The following TACC1 variants were observed in gnomAD, a reference collection of about 807,000 sequenced individuals.
The protein encoded by TACC1 is transforming acidic coiled-coil-containing protein 1.
In TACC1, 48 loss-of-function variants were observed where a neutral mutation model predicts 84.4. That is an observed-to-expected ratio of 0.57 (90% CI 0.45 to 0.72). TACC1 has a LOEUF of 0.72. TACC1 is among the 30% of genes least tolerant of loss of function. The pLI, the probability that TACC1 is intolerant of heterozygous loss-of-function variation, is 0.00. For synonymous variants in TACC1, 372 were observed against 376.3 expected (o/e 0.99, Z 0.13); for missense variants, 920 against 973.0 (o/e 0.95, Z 0.72).
chr8:38,786,925 A>T (rs930238036), upstream of TACC1, among the ~76,000 whole-genome samples: 4 of 152,020 alleles, frequency 2.6e-5, no homozygotes, highest in African/African-American at 7.2e-5. Flanking sequence ...AAAAAATTTT[A>T]AAAAGGAATA....
chr8:38,843,025 G>C (rs1222415882), intron 10 of TACC1, among the ~76,000 whole-genome samples: 1 of 152,150 alleles, frequency 6.6e-6, no homozygotes, highest in African/African-American at 2.4e-5. Context: ...TTGCCATTCA[G>C]TTTTGAATAA....
intron 11 of TACC1, among the ~76,000 whole-genome samples, chr8:38,844,334 G>A (rs1283321684): frequency 2.0e-5 from 3 of 151,680 alleles, no homozygotes; most frequent in East Asian, 1.9e-4. Flanking sequence ...CACCACACCC[G>A]GCTAATTTTT....
rs1420257379 is a variant in TACC1, at chr8:38,747,060, C to T, written c.26+1567C>T. 2.0e-5 allele frequency among the ~76,000 whole-genome samples: 3 copies of T among 152,242 alleles called. 1 individual carries two copies. Among genetic ancestry groups the T allele is most frequent in the South Asian group, 4.1e-4 (2 of 4,822 alleles). ...ATGGATACAAAAACAATTATAACAT[C>T]TCACCAAAGAAGATACACAGATGCC... On this transcript the variant is annotated intron_variant, in intron 3 of 14. Transcript: ENST00000518415.
At chr8:38,840,627 C>T (rs559839525) in intron 9 of TACC1, 7 of 171,176 alleles carry the variant, frequency 4.1e-5, no homozygotes, top group Admixed American at 2.5e-4. Flanking sequence ...AGACCATAGC[C>T]GGATCCATTT....
At chr8:38,839,053 T>C (rs1007892586) in intron 8 of TACC1, among the ~76,000 whole-genome samples, 3 of 152,020 alleles carry the variant, frequency 2.0e-5, no homozygotes, top group Admixed American at 6.6e-5. Flanking sequence ...TGTGCCACCA[T>C]GCCTGCATAA....
intron 2 of TACC1, among the ~76,000 whole-genome samples, chr8:38,803,201 T>G (rs1821831505): frequency 6.6e-6 from 1 of 152,336 alleles, no homozygotes; most frequent in Middle Eastern, 3.4e-3. Flanking sequence ...ATATGAAAGA[T>G]TATGTCATCT....
chr8:38,791,069 T>C (rs1002095002), intron 2 of TACC1, among the ~76,000 whole-genome samples: 1 of 152,286 alleles, frequency 6.6e-6, no homozygotes, highest in Non-Finnish European at 1.5e-5. Flanking sequence ...GTTAAGGAGC[T>C]GTTTGAAAGC....
intron 11 of TACC1, among the ~76,000 whole-genome samples, chr8:38,843,926 T>C (rs1831734946): frequency 6.6e-6 from 1 of 152,210 alleles, no homozygotes; most frequent in South Asian, 2.1e-4. Context: ...CTTTATGATC[T>C]GTATGTTAGA....
chr8:38,733,240 G>A (rs370940459), intron 1 of TACC1, among the ~76,000 whole-genome samples: 14 of 151,326 alleles, frequency 9.3e-5, no homozygotes, highest in African/African-American at 3.4e-4. Flanking sequence ...CCCAGCTGTG[G>A]ACTCCCACCA....
At chr8:38,747,647 G>T (rs183171637) in intron 3 of TACC1, among the ~76,000 whole-genome samples, 2 of 152,310 alleles carry the variant, frequency 1.3e-5, no homozygotes, top group African/African-American at 4.8e-5. Context: ...TCTGGAAAAG[G>T]CAAAACCATG....
chr8:38,818,749 C>G (rs781257857), intron 2 of TACC1, among the ~76,000 whole-genome samples: 11 of 146,388 alleles, frequency 7.5e-5, no homozygotes, highest in Non-Finnish European at 1.7e-4. Flanking sequence ...TTGAAACAGT[C>G]TTTTTAAATT....
chr8:38,774,748 C>T (rs1353637046), intron 3 of TACC1, among the ~76,000 whole-genome samples: 1 of 152,164 alleles, frequency 6.6e-6, no homozygotes, highest in Admixed American at 6.5e-5. Context: ...CACGGTGGCT[C>T]ACGCCTGTAA....
chr8:38,763,216 CAT>C (rs764103490), intron 3 of TACC1, among the ~76,000 whole-genome samples: 3 of 152,088 alleles, frequency 2.0e-5, no homozygotes, highest in Non-Finnish European at 4.4e-5. Flanking sequence ...GTGGCACAAA[CAT>C]AGCACACTGA....
chr8:38,785,143 G>T (rs957080733), upstream of TACC1, among the ~76,000 whole-genome samples: 1 of 151,846 alleles, frequency 6.6e-6, no homozygotes, highest in Non-Finnish European at 1.5e-5. Flanking sequence ...GGGCTGGGGT[G>T]GGGGAGGAGG....
At chr8:38,801,096 G>T (rs1466991727) in intron 2 of TACC1, among the ~76,000 whole-genome samples, 1 of 151,942 alleles carries the variant, frequency 6.6e-6, no homozygotes, top group Non-Finnish European at 1.5e-5. Flanking sequence ...TTTTAATTAG[G>T]TTATTTATCT....
Position 38,848,766 on chromosome 8 carries a change from T to C in TACC1, c.*743T>C. ...TTGCCATGACGTTTTGTTGCCCTGG[T>C]ATTTGGACACTCCTCAGCTTTAATG... On this transcript the variant is annotated 3_prime_UTR_variant, in exon 13 of 13. Coordinates refer to ENST00000317827, the MANE Select transcript of TACC1 (RefSeq NM_006283.3). The C allele has an allele frequency of 6.6e-6, 1 of 152,232 alleles. No homozygotes were observed. Among genetic ancestry groups the C allele is most frequent in the African/African-American group, 2.4e-5 (1 of 41,436 alleles). The allele number at this position is 152,232 out of a possible 1,614,324, so 9.4% of individuals were successfully genotyped here.
chr8:38,820,502 G>A lies in TACC1; in HGVS notation c.1258G>A (p.Asp420Asn), dbSNP rs1297512746. The change falls in exon 3 of 13, where the codon GAT becomes AAT. Residue 420 changes from aspartate to asparagine, a missense_variant. Physicochemically the swap from Asp to Asn is conservative, Grantham distance 23. Transcript: ENST00000317827. ...TGAGGGCTCCTACCACTTTGACCCA[G>A]ATAACTTTGACGAATCCATGGATCC... Reference protein sequence around the residue: ...SSEGSYHFDPDNFDESMDPFK... With the variant: ...SSEGSYHFDPNNFDESMDPFK... 6.2e-7 allele frequency: 1 copy of A among 1,614,058 alleles called. No individual in the cohort carries two copies. Among genetic ancestry groups the A allele is most frequent in the African/African-American group, 1.3e-5 (1 of 74,922 alleles).
rs550450422 is a variant in TACC1 at position 38,739,187 on chromosome 8, A to G, written c.-674-3164A>G. On this transcript the variant is annotated intron_variant, in intron 1 of 14. Transcript: ENST00000518415. ...CACTGCACCCAGCCCATGTGTGCTG[A>G]CTTCTATGTGTAACCATCTGTATCT... 5.9e-5 allele frequency among the ~76,000 whole-genome samples: 9 copies of G among 152,136 alleles called. No homozygotes were observed. In the South Asian group the frequency reaches 1.9e-3, roughly 32 times the overall value.
chr8:38,824,273 G>A (rs1588018309), intron 3 of TACC1, among the ~76,000 whole-genome samples: 1 of 152,158 alleles, frequency 6.6e-6, no homozygotes, highest in South Asian at 2.1e-4. Context: ...CAGGTGTCAC[G>A]TGGCGCTTTG....
Sources: gnomAD v4.1 joint callset for allele counts (sites outside exome capture counted in the v4.1 genomes callset) on GRCh38, gnomAD v4.1.1 for gene constraint, MANE v1.5 for transcripts, NCBI Gene and HGNC (gene_info 2026-07-23, HGNC 2026-07-21) for gene names.